Variants in COQ5 observed in about 807,000 individuals in gnomAD.
COQ5 encodes the protein coenzyme Q5, methyltransferase, also known as 2-methoxy-6-polyprenyl-1,4-benzoquinol methylase, mitochondrial.
A neutral mutation model predicts 40.5 loss-of-function variants in COQ5; 27 were observed. That is an observed-to-expected ratio of 0.67 (90% CI 0.49 to 0.92). COQ5 has a LOEUF of 0.92. Among genes scored for constraint, COQ5 ranks in the 40% least tolerant of loss-of-function variants. The pLI, the probability that COQ5 is intolerant of heterozygous loss-of-function variation, is 0.00. For missense variants in COQ5, 409 were observed against 406.4 expected (o/e 1.01, Z -0.06); for synonymous variants, 141 against 150.0 (o/e 0.94, Z 0.44).
In COQ5 at chr12:120,524,451, G is replaced by A. The variant is rs546485780; in HGVS notation, c.203-2088C>T. On this transcript the variant is annotated intron_variant, in intron 1 of 6. Coordinates refer to ENST00000288532, the MANE Select transcript of COQ5 (RefSeq NM_032314.4). ...AATTTTTTGTATTTTTAGTAGAGAC[G>A]GGGTTTCACCATGCTAGCCAGGATG... 8.5e-5 allele frequency among the ~76,000 whole-genome samples: 13 copies of A among 152,072 alleles called. No individual in the cohort carries two copies. The East Asian group carries it at 1.6e-3, about 18-fold the overall frequency.
In COQ5 at chr12:120,503,359, TAGGCTGAA is replaced by T; in HGVS notation, c.*417_*424del. 8.3e-6 allele frequency: 3 copies of T among 361,242 alleles called. No individual in the cohort carries two copies. Among genetic ancestry groups the T allele is most frequent in the South Asian group, 6.3e-5 (3 of 47,318 alleles). The allele number at this position is 361,242 out of a possible 1,614,324, so 22.4% of individuals were successfully genotyped here. ...TCTGACTTGGGCCTAGACTTCGTCC[TAGGCTGAA>T]AGGTTGATTCAGGTACAATTAAATT... On this transcript the variant is annotated 3_prime_UTR_variant, in exon 7 of 7. Coordinates refer to ENST00000288532, the MANE Select transcript of COQ5 (RefSeq NM_032314.4).
chr12:120,523,058 G>A, intron 1 of COQ5: 1 of 422,106 alleles, frequency 2.4e-6, no homozygotes, highest in Non-Finnish European at 4.2e-6. Context: ...ATTCTTATCG[G>A]CCAGGCGCGG....
chr12:120,504,169 G>T, intron 5 of COQ5, 88 bp from the exon 6 acceptor site: 1 of 843,504 alleles, frequency 1.2e-6, no homozygotes, highest in Non-Finnish European at 2.0e-6. Context: ...TAAACCTGGG[G>T]TCACAAACTC....
chr12:120,516,040 T>A (rs1869361211), intron 3 of COQ5, among the ~76,000 whole-genome samples: 1 of 152,168 alleles, frequency 6.6e-6, no homozygotes, highest in South Asian at 2.1e-4. Flanking sequence ...CCTCCTATTG[T>A]GGCCTCCCAA....
At chr12:120,505,736 A>G (rs1184062454) in intron 4 of COQ5, among the ~76,000 whole-genome samples, 2 of 152,036 alleles carry the variant, frequency 1.3e-5, no homozygotes, top group African/African-American at 2.4e-5. Flanking sequence ...TTGTATTTTT[A>G]GTAGAGACGG....
chr12:120,511,468 G>A (rs1047031456), intron 3 of COQ5, among the ~76,000 whole-genome samples: 1 of 151,846 alleles, frequency 6.6e-6, no homozygotes, highest in Non-Finnish European at 1.5e-5. Context: ...CATGTTTCAG[G>A]TCAGCAAAGT....
At chr12:120,504,588 A>C in intron 5 of COQ5, 1 of 335,422 alleles carries the variant, frequency 3.0e-6, no homozygotes, top group Non-Finnish European at 5.7e-6. Flanking sequence ...AGTCAAATTT[A>C]TCAGAGGGGG....
chr12:120,504,649 T>C, intron 5 of COQ5: 1 of 492,164 alleles, frequency 2.0e-6, no homozygotes, highest in Admixed American at 3.2e-5. Context: ...CCCACTACCA[T>C]TGGACCAGGC....
chr12:120,509,773 A>ATCTC, intron 4 of COQ5: 1 of 434,784 alleles, frequency 2.3e-6, no homozygotes, highest in Non-Finnish European at 4.2e-6. Context: ...AAATCTATCT[A>ATCTC]TCTCTCTCTC....
At position 120,503,694 on chromosome 12, in the gene COQ5, G is replaced by T; in HGVS notation, c.*90C>A. On this transcript the variant is annotated 3_prime_UTR_variant, in exon 7 of 7. Transcript: ENST00000288532. ...AAGGCACGTATCCTTAAGAGGAGATGCTCTGCTGCTGTCTCATTTGCCAGA... is the reference window on the plus strand; with the variant it reads ...AAGGCACGTATCCTTAAGAGGAGATTCTCTGCTGCTGTCTCATTTGCCAGA... 1 of 895,908 alleles carries T rather than the reference G, an allele frequency of 1.1e-6. No homozygotes were observed. The highest frequency in any genetic ancestry group is 1.9e-6 in the Non-Finnish European group (1 of 538,302). 55.5% of individuals were successfully genotyped at this position (895,908 alleles called of 1,614,324 possible). A position where few individuals can be genotyped will look rare whatever the true frequency, so the allele number is the denominator to read the frequency against.
intron 1 of COQ5, chr12:120,526,797 C>T (rs1262121804): frequency 1.1e-5 from 2 of 174,162 alleles, no homozygotes; most frequent in African/African-American, 5.4e-5. Context: ...TCACTGCAAG[C>T]TCCTCCTCCC....
intron 4 of COQ5, among the ~76,000 whole-genome samples, chr12:120,509,541 T>G (rs1869032136): frequency 6.6e-6 from 1 of 152,090 alleles, no homozygotes; most frequent in South Asian, 2.1e-4. Flanking sequence ...TTCACAAGTA[T>G]GAGGAAATAC....
chr12:120,522,162 A>C, intron 2 of COQ5, 52 bp downstream of exon 2: 1 of 1,604,312 alleles, frequency 6.2e-7, no homozygotes, highest in East Asian at 2.2e-5. Flanking sequence ...AGAGAGACTA[A>C]TTTCTGTAAA....
chr12:120,516,712 T>G lies in COQ5; in HGVS notation c.429A>C (p.Gln143His). The G allele has an allele frequency of 6.2e-7, 1 of 1,614,210 alleles. No homozygotes were observed. The highest frequency in any genetic ancestry group is 1.3e-5 in the African/African-American group (1 of 75,064). ...QRKQKRQLRAQQNLSWEEIAK... is the reference protein window; with the variant it reads ...QRKQKRQLRAHQNLSWEEIAK... ...CAATTTCTTCCCAGGATAAATTTTG[T>G]TGGGCCCTTAACTGCCTCTTCTGTT... The change falls in exon 3 of 7, where the codon CAA becomes CAC. Residue 143 changes from glutamine (Q) to histidine (H), a missense_variant. Transcript: ENST00000288532.
chr12:120,519,207 G>A (rs952539348), intron 2 of COQ5, among the ~76,000 whole-genome samples: 2 of 152,158 alleles, frequency 1.3e-5, no homozygotes, highest in Non-Finnish European at 2.9e-5. Context: ...TAAATGTGAT[G>A]CAATGAGCGT....
intron 5 of COQ5, among the ~76,000 whole-genome samples, chr12:120,504,408 ATTT>A (rs33973905): frequency 1.8e-5 from 2 of 111,052 alleles, no homozygotes; most frequent in African/African-American, 6.6e-5. Context: ...CCTGATTTAA[ATTT>A]TTTTTTTTTT....
chr12:120,510,823 G>A (rs1869097588), intron 3 of COQ5, among the ~76,000 whole-genome samples: 1 of 152,136 alleles, frequency 6.6e-6, no homozygotes, highest in Non-Finnish European at 1.5e-5. Flanking sequence ...CTATCAGGGT[G>A]GCTGTGTCCT....
At chr12:120,516,871 G>A (rs1432171425) in intron 2 of COQ5, 83 bp from the exon 3 acceptor site, 1 of 1,177,558 alleles carries the variant, frequency 8.5e-7, no homozygotes, top group East Asian at 2.3e-5. Context: ...AACCCAAAGG[G>A]GTAACAGAGG....
Position 120,529,129 on chromosome 12 carries a change from CG to C in COQ5, c.12del (p.Ser6AlafsTer33). The part of the protein sequence containing the change: MAA[P>X]GSCALWSYCG... ...CAATAGCTCCATAGAGCACAGCTCCCGGGGGCCGCCATCTTGGTAGTCGAGT... is the reference window on the plus strand; with the variant it reads ...CAATAGCTCCATAGAGCACAGCTCCCGGGGCCGCCATCTTGGTAGTCGAGT... On this transcript the variant is annotated frameshift_variant, in exon 1 of 7. Coordinates refer to ENST00000288532, the MANE Select transcript of COQ5 (RefSeq NM_032314.4). LOFTEE classifies it high-confidence loss of function. The C allele has an allele frequency of 1.2e-6, 2 of 1,613,048 alleles. No homozygotes were observed. The highest frequency in any genetic ancestry group is 1.7e-6 in the Non-Finnish European group (2 of 1,179,344).
Sources: allele counts gnomAD v4.1 joint callset (sites outside exome capture counted in the v4.1 genomes callset), GRCh38; gene constraint gnomAD v4.1.1; transcripts MANE v1.5; gene names NCBI Gene and HGNC (gene_info 2026-07-23, HGNC 2026-07-21).